CPLANE1: variants seen among roughly 807,000 people sequenced by gnomAD.
The protein encoded by CPLANE1 is ciliogenesis and planar polarity effector 1.
CPLANE1 carries 263 observed loss-of-function variants against 362.5 expected under a neutral mutation model. The observed-to-expected ratio is 0.73, with a 90% CI of 0.66 to 0.80. The LOEUF is 0.80. CPLANE1 is among the 30% of genes least tolerant of loss of function. CPLANE1 has a pLI of 0.00. For missense variants in CPLANE1, 3,461 were observed against 3,793.4 expected, an observed-to-expected ratio of 0.91 and a Z score of 2.30; for synonymous variants, 1,212 against 1,302.6, an observed-to-expected ratio of 0.93 and a Z score of 1.50.
chr5:37,225,073 C>T (rs1437539528), intron 12 of CPLANE1, among the ~76,000 whole-genome samples: 2 of 150,880 alleles, frequency 1.3e-5, no homozygotes, highest in African/African-American at 4.9e-5. Context: ...GTATGTGCCA[C>T]TGCACTCCAG....
chr5:37,200,188 T>C (rs1163670605), intron 19 of CPLANE1, among the ~76,000 whole-genome samples: 1 of 152,234 alleles, frequency 6.6e-6, no homozygotes, highest in African/African-American at 2.4e-5. Context: ...ATGCCGTTAT[T>C]GTTTAAACCA....
In CPLANE1 at chr5:37,209,705, C is replaced by T. The variant is rs1323129656; in HGVS notation, c.2921-3280G>A. ...TTACTATGCAGGATCTATTACAACT[C>T]ATTAAAATCAACCCTACTTCCAGTC... On this transcript the variant is annotated intron_variant, in intron 16 of 52. Coordinates refer to ENST00000651892, the MANE Select transcript of CPLANE1 (RefSeq NM_001384732.1). The surrounding 1 kb of genome is among the most constrained non-coding windows in gnomAD (Gnocchi z 4.6). The T allele has an allele frequency of 8.1e-7, 1 of 1,236,380 alleles. No individual in the cohort carries two copies. Among genetic ancestry groups the T allele is most frequent in the African/African-American group, 1.5e-5 (1 of 67,586 alleles). 76.6% of individuals were successfully genotyped at this position (1,236,380 alleles called of 1,614,324 possible). A position where few individuals can be genotyped will look rare whatever the true frequency, so the allele number is the denominator to read the frequency against.
intron 15 of CPLANE1, among the ~76,000 whole-genome samples, chr5:37,216,297 A>G (rs1794080686): frequency 6.6e-6 from 1 of 152,100 alleles, no homozygotes; most frequent in Admixed American, 6.6e-5. Context: ...TAATCCCCAC[A>G]CTTTGGGAGG....
chr5:37,110,005 A>G (rs1048948142), intron 51 of CPLANE1, among the ~76,000 whole-genome samples: 7 of 152,020 alleles, frequency 4.6e-5, no homozygotes, highest in Non-Finnish European at 1.0e-4. Context: ...AGCAAGTCCT[A>G]ATTTTGTCTA....
chr5:37,162,684 A>T (rs1410055170), intron 37 of CPLANE1, 118 bp from the exon 38 acceptor site: 62 of 507,538 alleles, frequency 1.2e-4, no homozygotes, highest in South Asian at 3.4e-4. Context: ...ATGTTATTAA[A>T]TTTTTTTTTT....
In CPLANE1 at chr5:37,226,452, C is replaced by G. The variant is rs1796491447; in HGVS notation, c.2143G>C (p.Asp715His). ...TCTTGAGCTGTTATTTTACTTCCATCAGCTGATGCTGAAATAACTTCAGGT... is the reference window on the plus strand; with the variant it reads ...TCTTGAGCTGTTATTTTACTTCCATGAGCTGATGCTGAAATAACTTCAGGT... ...LQPEVISASADGSKITAQDSL... is the reference protein window; with the variant it reads ...LQPEVISASAHGSKITAQDSL... Residue 715 changes from aspartate to histidine, a missense_variant, in exon 12 of 53, where the codon GAT becomes CAT. Asp to His is a moderately conservative substitution (Grantham distance 81). Coordinates refer to ENST00000651892, the MANE Select transcript of CPLANE1 (RefSeq NM_001384732.1). 4 of 1,551,198 alleles carry G rather than the reference C, an allele frequency of 2.6e-6. No individual in the cohort carries two copies. The highest frequency in any genetic ancestry group is 2.6e-6 in the Non-Finnish European group (3 of 1,146,806).
chr5:37,244,774 T>C (rs997342870), intron 4 of CPLANE1, among the ~76,000 whole-genome samples, 167 bp from the exon 5 acceptor site: 3 of 151,958 alleles, frequency 2.0e-5, no homozygotes, highest in African/African-American at 7.3e-5. Flanking sequence ...CGGCAGCTCA[T>C]GCCTGTAATC....
intron 43 of CPLANE1, among the ~76,000 whole-genome samples, chr5:37,143,143 T>C (rs1770323496): frequency 6.6e-6 from 1 of 152,242 alleles, no homozygotes; most frequent in Non-Finnish European, 1.5e-5. Context: ...AAGAAACGTA[T>C]ACTAAAATTT....
intron 16 of CPLANE1, chr5:37,210,124 A>G: frequency 1.1e-6 from 1 of 914,112 alleles, no homozygotes; most frequent in East Asian, 2.4e-5. Flanking sequence ...AAAGCTTGTC[A>G]AGCAAAATCT....
the CPLANE1 span, among the ~76,000 whole-genome samples, chr5:37,088,507 C>G: frequency 3.3e-5 from 5 of 152,156 alleles, no homozygotes. Flanking sequence ...GGGAAAGAAC[C>G]CTCTTCTATA....
rs150049016 is a variant in CPLANE1 at position 37,183,162 on chromosome 5, T to A, written c.5019A>T (p.Gly1673=). ...GTTTTAAACCAAATAATCCACTCAT[T>A]CCTTCATTCTTATTGACTTCATTCG... is the stretch of plus-strand genomic sequence containing the variant. ...YPSNEVNKNE[G]MSGLFGLKQR... Residue 1673 remains glycine, a synonymous_variant, in exon 26 of 53, where the codon GGA becomes GGT. Transcript: ENST00000651892. 4.3e-6 allele frequency: 7 copies of A among 1,612,610 alleles called. No homozygotes were observed. Among genetic ancestry groups the A allele is most frequent in the Admixed American group, 1.7e-5 (1 of 59,902 alleles).
At chr5:37,210,153 G>GA in intron 16 of CPLANE1, 3 of 1,130,952 alleles carry the variant, frequency 2.7e-6, no homozygotes, top group Non-Finnish European at 4.0e-6. Context: ...TGTTATTCGG[G>GA]AAAAGAGCAC....
chr5:37,173,713 C>T (rs753267434), intron 32 of CPLANE1, 42 bp downstream of exon 32: 5 of 1,487,466 alleles, frequency 3.4e-6, no homozygotes, highest in Admixed American at 3.5e-5. Flanking sequence ...CCTACATGTA[C>T]ACTATGTGTA....
chr5:37,079,100 G>A, the CPLANE1 span, among the ~76,000 whole-genome samples: 10 of 152,194 alleles, frequency 6.6e-5, no homozygotes, highest in South Asian at 2.1e-3. Context: ...AAGTGATTTT[G>A]GTATTTGCAT....
chr5:37,211,542 T>C (rs1382104746), intron 16 of CPLANE1: 63 of 1,250,300 alleles, frequency 5.0e-5, no homozygotes, highest in Non-Finnish European at 7.0e-6. Flanking sequence ...CTCAAGGCTA[T>C]GCGGGGGCAC....
the CPLANE1 span, among the ~76,000 whole-genome samples, chr5:37,077,599 TG>T: frequency 1.4e-5 from 2 of 147,764 alleles, no homozygotes; most frequent in Non-Finnish European, 1.5e-5. Context: ...TGTGTGTGTG[TG>T]TGTGTCTTTT....
chr5:37,077,667 G>A, the CPLANE1 span, among the ~76,000 whole-genome samples: 4 of 134,192 alleles, frequency 3.0e-5, no homozygotes, highest in Admixed American at 1.7e-4. Context: ...AGGCTGGGGT[G>A]AAGTGGCATG....
chr5:37,178,886 G>A (rs1781947029), intron 29 of CPLANE1, among the ~76,000 whole-genome samples: 2 of 152,108 alleles, frequency 1.3e-5, no homozygotes, highest in South Asian at 4.1e-4. Context: ...AGCCTTCTAA[G>A]TAGCTGAGAC....
At chr5:37,217,683 T>C (rs1794411038) in intron 15 of CPLANE1, among the ~76,000 whole-genome samples, 1 of 149,758 alleles carries the variant, frequency 6.7e-6, no homozygotes, top group Non-Finnish European at 1.5e-5. Flanking sequence ...CTAATGTTAA[T>C]AACAGAAACC....
Sources: gnomAD v4.1 joint callset for allele counts (sites outside exome capture counted in the v4.1 genomes callset) on GRCh38, gnomAD v4.1.1 for gene constraint, Gnocchi (gnomAD v3.1) non-coding constraint, MANE v1.5 for transcripts, NCBI Gene and HGNC (gene_info 2026-07-23, HGNC 2026-07-21) for gene names.